Variants in HMGA2 observed in about 807,000 individuals in gnomAD.
HMGA2 encodes the protein high mobility group protein HMGI-C.
A neutral mutation model predicts 19.1 loss-of-function variants in HMGA2; 8 were observed. The ratio of observed to expected loss-of-function variants is 0.42; its 90% CI spans 0.25 to 0.76. The LOEUF (loss-of-function observed/expected upper bound fraction) is 0.76. Among genes scored for constraint, HMGA2 ranks in the 30% least tolerant of loss-of-function variants. HMGA2 has a pLI of 0.28. For missense variants in HMGA2, 109 were observed against 136.3 expected (o/e 0.80, Z 1.00); for synonymous variants, 60 against 48.8 (o/e 1.23, Z -0.96).
intron 3 of HMGA2, among the ~76,000 whole-genome samples, chr12:65,921,537 G>T (rs1875310921): frequency 6.6e-6 from 1 of 152,204 alleles, no homozygotes; most frequent in African/African-American, 2.4e-5. Context: ...GTGAGCCACT[G>T]CGCCCGGCAG....
chr12:65,947,742 A>G (rs1188483640), intron 3 of HMGA2, among the ~76,000 whole-genome samples: 1 of 152,212 alleles, frequency 6.6e-6, no homozygotes, highest in Non-Finnish European at 1.5e-5. Flanking sequence ...TGTTCACTGA[A>G]CAGTCATTAT....
At chr12:65,941,125 A>G (rs1315423828) in intron 3 of HMGA2, among the ~76,000 whole-genome samples, 1 of 152,196 alleles carries the variant, frequency 6.6e-6, no homozygotes, top group African/African-American at 2.4e-5. Context: ...CATTTTAGGG[A>G]AGTTGAGCTG....
At chr12:65,851,527 C>T (rs1871465300) in intron 3 of HMGA2, 1 of 303,916 alleles carries the variant, frequency 3.3e-6, no homozygotes, top group South Asian at 2.5e-5. Flanking sequence ...AAAACAAAAA[C>T]AAAAACCAAG....
intron 3 of HMGA2, among the ~76,000 whole-genome samples, chr12:65,899,556 T>G (rs1031222785): frequency 6.6e-6 from 1 of 152,172 alleles, no homozygotes; most frequent in Non-Finnish European, 1.5e-5. Context: ...TATCTCTGGA[T>G]GAGAGGAATT....
chr12:65,830,751 A>G (rs1188017789), intron 2 of HMGA2: 1 of 151,954 alleles, frequency 6.6e-6, no homozygotes, highest in Non-Finnish European at 1.5e-5. Context: ...TGCAAGACCA[A>G]GTGAATGACT....
chr12:65,841,132 A>G (rs1296774074), intron 3 of HMGA2, among the ~76,000 whole-genome samples: 1 of 152,202 alleles, frequency 6.6e-6, no homozygotes, highest in Non-Finnish European at 1.5e-5. Flanking sequence ...GGAGTAAACT[A>G]TAGAGCAATT....
intron 3 of HMGA2, among the ~76,000 whole-genome samples, chr12:65,872,612 T>C (rs1267580550): frequency 1.3e-5 from 2 of 152,208 alleles, no homozygotes; most frequent in Non-Finnish European, 1.5e-5. Flanking sequence ...TGCCTGGAGC[T>C]ATATGTTTTG....
chr12:65,877,512 C>T (rs887780963), intron 3 of HMGA2, among the ~76,000 whole-genome samples: 9 of 152,244 alleles, frequency 5.9e-5, no homozygotes, highest in Middle Eastern at 3.4e-3. Context: ...GTAAAACACA[C>T]GGTGACTTGA....
chr12:65,888,188 GCA>G (rs1449158525), intron 3 of HMGA2, among the ~76,000 whole-genome samples: 1 of 152,108 alleles, frequency 6.6e-6, no homozygotes, highest in African/African-American at 2.4e-5. Context: ...GAGTGCAGTG[GCA>G]CACACCTGTA....
At chr12:65,947,944 A>G (rs543847566) in intron 3 of HMGA2, among the ~76,000 whole-genome samples, 1 of 152,296 alleles carries the variant, frequency 6.6e-6, no homozygotes, top group East Asian at 1.9e-4. Context: ...AAAGCCGGGA[A>G]GTACAGCTTC....
intron 2 of HMGA2, among the ~76,000 whole-genome samples, chr12:65,835,723 C>T (rs187360354): frequency 2.6e-5 from 4 of 152,202 alleles, no homozygotes; most frequent in Non-Finnish European, 5.9e-5. Flanking sequence ...CCTCTCTCTT[C>T]AATAGATTTT....
At chr12:65,826,270 G>C (rs1870181261) in intron 1 of HMGA2, 1 of 152,412 alleles carries the variant, frequency 6.6e-6, no homozygotes, top group Admixed American at 6.5e-5. Flanking sequence ...GGGACCCTGC[G>C]GAGTGGAGGG....
At chr12:65,924,296 T>A (rs896372230) in intron 3 of HMGA2, among the ~76,000 whole-genome samples, 3 of 152,224 alleles carry the variant, frequency 2.0e-5, no homozygotes, top group Admixed American at 6.5e-5. Flanking sequence ...TTTTGCTGTA[T>A]CTGAAGATAG....
intron 3 of HMGA2, among the ~76,000 whole-genome samples, chr12:65,886,276 C>G (rs1873650504): frequency 6.6e-6 from 1 of 152,030 alleles, no homozygotes; most frequent in Admixed American, 6.5e-5. Context: ...AAGCTGCTTT[C>G]AAGCTCACAT....
chr12:65,883,160 A>G (rs1179547374), intron 3 of HMGA2, among the ~76,000 whole-genome samples: 1 of 152,198 alleles, frequency 6.6e-6, no homozygotes, highest in East Asian at 1.9e-4. Flanking sequence ...TAAGAGGCTG[A>G]AGGCTTACTC....
At chr12:65,845,837 C>G (rs1468354794) in intron 3 of HMGA2, among the ~76,000 whole-genome samples, 1 of 152,162 alleles carries the variant, frequency 6.6e-6, no homozygotes, top group East Asian at 1.9e-4. Flanking sequence ...TTGTAAAACA[C>G]AAAAACCTTT....
rs143739603 is a variant in HMGA2, at chr12:65,918,729, T to C, written c.250-32654T>C. Among the ~76,000 whole-genome samples, 225 of 152,336 alleles carry C rather than the reference T, an allele frequency of 1.5e-3. 1 individual carries two copies. The highest frequency in any genetic ancestry group is 5.3e-3 in the African/African-American group (220 of 41,572). On this transcript the variant is annotated intron_variant, in intron 3 of 4. Coordinates refer to ENST00000403681, the MANE Select transcript of HMGA2 (RefSeq NM_003483.6). The stretch of plus-strand genomic sequence containing the variant: ...GCTGGAGAGTCTGAAAATAGTCTTA[T>C]GGATGACATCTGTATGTAACTTTTT...
At chr12:65,926,100 G>A (rs1436099809) in intron 3 of HMGA2, among the ~76,000 whole-genome samples, 1 of 152,090 alleles carries the variant, frequency 6.6e-6, no homozygotes, top group Non-Finnish European at 1.5e-5. Context: ...AAATTATTCT[G>A]TCCTCAGGAA....
chr12:65,830,057 A>C (rs999317524), intron 2 of HMGA2, among the ~76,000 whole-genome samples: 5 of 151,980 alleles, frequency 3.3e-5, no homozygotes, highest in African/African-American at 1.2e-4. Context: ...TTTCAGACAC[A>C]ATTATTTCCT....
Sources: allele counts gnomAD v4.1 joint callset (sites outside exome capture counted in the v4.1 genomes callset), GRCh38; gene constraint gnomAD v4.1.1; transcripts MANE v1.5; gene names NCBI Gene and HGNC (gene_info 2026-07-23, HGNC 2026-07-21).